GPR39: variants seen among roughly 807,000 people sequenced by gnomAD.
The protein encoded by GPR39 is G protein-coupled receptor 39.
Under a neutral mutation model 18.4 loss-of-function variants are expected in GPR39, and 23 were observed. That is an observed-to-expected ratio of 1.25 (90% CI 0.90 to 1.77). GPR39 has a LOEUF of 1.77. Among genes scored for constraint, GPR39 ranks in the 40% most tolerant of loss-of-function variants. GPR39 has a pLI of 0.00. For synonymous variants in GPR39, 280 were observed against 257.9 expected (o/e 1.09, Z -0.82); for missense variants, 647 against 602.4 (o/e 1.07, Z -0.78).
chr2:132,645,126 A>G lies in GPR39; in HGVS notation c.882A>G (p.Val294=), dbSNP rs779934537. 6.2e-7 allele frequency: 1 copy of G among 1,613,692 alleles called. No individual in the cohort carries two copies. The highest frequency in any genetic ancestry group is 8.5e-7 in the Non-Finnish European group (1 of 1,179,820). The change falls in exon 2 of 2, where the codon GTA becomes GTG. Residue 294 remains valine (V), a synonymous_variant. Transcript: ENST00000329321. ...FLRLIVVTLA[V]CWMPNQIRRI... ...GGCTGATTGTTGTGACATTGGCCGTATGCTGGATGCCCAACCAGATTCGGA... is the reference window on the plus strand; with the variant it reads ...GGCTGATTGTTGTGACATTGGCCGTGTGCTGGATGCCCAACCAGATTCGGA...
chr2:132,428,067 A>C, intron 1 of GPR39, among the ~76,000 whole-genome samples: 1 of 151,500 alleles, frequency 6.6e-6, no homozygotes, highest in East Asian at 1.9e-4. Context: ...CACCTTGGTG[A>C]TTGAAGCTTG....
At chr2:132,618,805 G>T (rs919759210) in intron 1 of GPR39, among the ~76,000 whole-genome samples, 1 of 152,218 alleles carries the variant, frequency 6.6e-6, no homozygotes, top group Non-Finnish European at 1.5e-5. Context: ...TTAATGCCAG[G>T]CTGCTGGCCT....
At chr2:132,644,173 ATC>A (rs1681935816) in intron 1 of GPR39, among the ~76,000 whole-genome samples, 1 of 152,178 alleles carries the variant, frequency 6.6e-6, no homozygotes, top group Admixed American at 6.5e-5. Flanking sequence ...TAGCATCTTT[ATC>A]TCTGTCAGTC....
At chr2:132,605,591 G>A (rs998430717) in intron 1 of GPR39, among the ~76,000 whole-genome samples, 2 of 152,144 alleles carry the variant, frequency 1.3e-5, no homozygotes, top group Admixed American at 6.5e-5. Context: ...ATGGGTGCCC[G>A]CAGGAATCTC....
chr2:132,476,627 C>G (rs1681132123), intron 1 of GPR39, among the ~76,000 whole-genome samples: 1 of 82,264 alleles, frequency 1.2e-5, no homozygotes, highest in Non-Finnish European at 2.1e-5. Flanking sequence ...CAGAGCAAGA[C>G]TCCATCTCAA....
At chr2:132,631,065 C>T (rs1032772401) in intron 1 of GPR39, among the ~76,000 whole-genome samples, 10 of 152,036 alleles carry the variant, frequency 6.6e-5, no homozygotes, top group African/African-American at 2.4e-4. Flanking sequence ...TATTTCAAAT[C>T]AGAGTGACGG....
chr2:132,426,567 T>C (rs1451915420), intron 1 of GPR39, among the ~76,000 whole-genome samples: 1 of 152,172 alleles, frequency 6.6e-6, no homozygotes, highest in Non-Finnish European at 1.5e-5. Context: ...GGAAAAAGTG[T>C]GTCAGGGAGG....
intron 1 of GPR39, among the ~76,000 whole-genome samples, chr2:132,440,242 G>A (rs769642958): frequency 4.6e-5 from 7 of 152,186 alleles, no homozygotes; most frequent in East Asian, 3.9e-4. Context: ...GCCAGTGGCC[G>A]TTTTCTAGCA....
chr2:132,461,285 A>G (rs556109883), intron 1 of GPR39, among the ~76,000 whole-genome samples: 2 of 152,266 alleles, frequency 1.3e-5, no homozygotes, highest in Admixed American at 6.5e-5. Context: ...TCTCTACTCT[A>G]TCACAGAGCT....
chr2:132,455,856 A>C (rs1358685293), intron 1 of GPR39, among the ~76,000 whole-genome samples: 2 of 152,058 alleles, frequency 1.3e-5, no homozygotes, highest in African/African-American at 4.8e-5. Context: ...GTTTGTTGTG[A>C]TTTCTCTTGT....
chr2:132,502,849 CA>C, intron 1 of GPR39, among the ~76,000 whole-genome samples: 1 of 152,280 alleles, frequency 6.6e-6, no homozygotes, highest in South Asian at 2.1e-4. Flanking sequence ...TCTGCGTGTT[CA>C]GTTCTGCTGC....
chr2:132,494,376 T>C (rs376884050), intron 1 of GPR39, among the ~76,000 whole-genome samples: 2 of 152,310 alleles, frequency 1.3e-5, no homozygotes, highest in South Asian at 4.1e-4. Context: ...CCAGGGTCCA[T>C]GAAGGCAGGC....
At chr2:132,531,585 C>T (rs1335471861) in intron 1 of GPR39, among the ~76,000 whole-genome samples, 1 of 152,200 alleles carries the variant, frequency 6.6e-6, no homozygotes, top group Non-Finnish European at 1.5e-5. Flanking sequence ...CCAAAATTGA[C>T]CACGTAGTTG....
intron 1 of GPR39, among the ~76,000 whole-genome samples, chr2:132,499,556 C>CT (rs1316216502): frequency 6.6e-6 from 1 of 151,818 alleles, no homozygotes; most frequent in Non-Finnish European, 1.5e-5. Context: ...TATGCGGGCT[C>CT]TTTTTTGATT....
chr2:132,567,590 A>G (rs1219629157), intron 1 of GPR39, among the ~76,000 whole-genome samples: 3 of 152,124 alleles, frequency 2.0e-5, no homozygotes, highest in Admixed American at 1.3e-4. Flanking sequence ...TAAGAAAGAA[A>G]TTTCTTTTCT....
At chr2:132,516,688 G>A (rs929903451) in intron 1 of GPR39, among the ~76,000 whole-genome samples, 26 of 152,238 alleles carry the variant, frequency 1.7e-4, no homozygotes, top group Non-Finnish European at 3.1e-4. Flanking sequence ...TGGGTCATGG[G>A]TTATTTGCTC....
intron 1 of GPR39, among the ~76,000 whole-genome samples, chr2:132,570,809 A>AATGGG (rs1680429367): frequency 6.6e-6 from 1 of 152,124 alleles, no homozygotes; most frequent in Non-Finnish European, 1.5e-5. Flanking sequence ...AGCCTAGAGG[A>AATGGG]ATGGGTGTGG....
intron 1 of GPR39, among the ~76,000 whole-genome samples, chr2:132,618,475 T>C (rs1170442674): frequency 6.6e-6 from 1 of 152,198 alleles, no homozygotes; most frequent in Admixed American, 6.5e-5. Flanking sequence ...GCTTTCTCGA[T>C]CACAAATGTG....
At chr2:132,556,245 G>A (rs962372384) in intron 1 of GPR39, among the ~76,000 whole-genome samples, 2 of 152,144 alleles carry the variant, frequency 1.3e-5, no homozygotes, top group Non-Finnish European at 2.9e-5. Context: ...GTAAATGTAC[G>A]AATCAGAGAG....
Sources: gnomAD v4.1 joint callset for allele counts (sites outside exome capture counted in the v4.1 genomes callset) on GRCh38, gnomAD v4.1.1 for gene constraint, MANE v1.5 for transcripts, NCBI Gene and HGNC (gene_info 2026-07-23, HGNC 2026-07-21) for gene names.